Variants in PRELID2 observed in about 807,000 individuals in gnomAD.
PRELID2 encodes the protein PRELI domain-containing protein 2.
Under a neutral mutation model 28.4 loss-of-function variants are expected in PRELID2, and 25 were observed. That is an observed-to-expected ratio of 0.88 (90% CI 0.64 to 1.23). PRELID2 has a LOEUF of 1.23. Ranked by LOEUF, PRELID2 falls within the 50% of genes most tolerant of loss-of-function variation. The probability of loss-of-function intolerance (pLI) is 0.00; values close to 1 mark genes in which losing one functional copy is unlikely to be tolerated. For synonymous variants in PRELID2, 76 were observed against 71.6 expected (o/e 1.06, Z -0.31); for missense variants, 201 against 214.4 (o/e 0.94, Z 0.39).
At chr5:145,389,015 G>T in the PRELID2 span, among the ~76,000 whole-genome samples, 1 of 152,198 alleles carries the variant, frequency 6.6e-6, no homozygotes, top group East Asian at 1.9e-4. Context: ...TGTAGTGCTA[G>T]CTCCTAATAT....
At chr5:145,405,699 G>GTTTTTTTTTTTTTTTTTT in the PRELID2 span, among the ~76,000 whole-genome samples, 4 of 45,992 alleles carry the variant, frequency 8.7e-5, 1 homozygote, top group Non-Finnish European at 4.8e-5. Flanking sequence ...GTACCACATA[G>GTTTTTTTTTTTTTTTTTT]TTGTTTTTTT....
the PRELID2 span, among the ~76,000 whole-genome samples, chr5:145,330,462 G>T: frequency 6.6e-6 from 1 of 152,164 alleles, no homozygotes; most frequent in South Asian, 2.1e-4. Context: ...CTTGTTATTG[G>T]TCTATTCAGG....
the PRELID2 span, among the ~76,000 whole-genome samples, chr5:145,421,206 T>C: frequency 6.7e-6 from 1 of 150,154 alleles, no homozygotes; most frequent in Middle Eastern, 3.2e-3. Flanking sequence ...TTTTTTGTTG[T>C]GTCTCTGCCT....
At chr5:145,367,556 T>C in the PRELID2 span, among the ~76,000 whole-genome samples, 65 of 152,082 alleles carry the variant, frequency 4.3e-4, no homozygotes, top group Middle Eastern at 6.8e-3. Context: ...GCCACCATTA[T>C]AGTATCAGAC....
chr5:145,654,055 G>C (rs1254846740), intron 1 of PRELID2, among the ~76,000 whole-genome samples: 1 of 152,068 alleles, frequency 6.6e-6, no homozygotes, highest in Non-Finnish European at 1.5e-5. Flanking sequence ...AATAAAAAAT[G>C]ATAAAGGGGA....
chr5:145,791,400 A>C (rs1485645494), intron 5 of PRELID2, among the ~76,000 whole-genome samples: 5 of 152,200 alleles, frequency 3.3e-5, no homozygotes, highest in Non-Finnish European at 7.3e-5. Context: ...CATAAAAAGA[A>C]AGGTAAGTCT....
the PRELID2 span, among the ~76,000 whole-genome samples, chr5:145,298,767 C>G: frequency 3.3e-5 from 5 of 152,024 alleles, no homozygotes; most frequent in African/African-American, 9.7e-5. Context: ...TGGCATGCTA[C>G]AGCAACACAA....
chr5:145,248,184 A>G, the PRELID2 span, among the ~76,000 whole-genome samples: 1 of 152,196 alleles, frequency 6.6e-6, no homozygotes, highest in Admixed American at 6.6e-5. Flanking sequence ...CAAATGCAAA[A>G]TTCCTATATT....
chr5:145,329,031 G>T, the PRELID2 span, among the ~76,000 whole-genome samples: 5 of 152,108 alleles, frequency 3.3e-5, no homozygotes, highest in Admixed American at 1.3e-4. Flanking sequence ...ATTAAATAGG[G>T]AATCCTTTCC....
At chr5:145,644,439 T>TTC (rs1754162880) in intron 1 of PRELID2, among the ~76,000 whole-genome samples, 1 of 151,316 alleles carries the variant, frequency 6.6e-6, no homozygotes, top group Non-Finnish European at 1.5e-5. Flanking sequence ...GTTTATCTAT[T>TTC]TTGTTGAACT....
At chr5:145,458,665 C>T in the PRELID2 span, among the ~76,000 whole-genome samples, 1 of 152,110 alleles carries the variant, frequency 6.6e-6, no homozygotes, top group African/African-American at 2.4e-5. Context: ...TCTAAAATGT[C>T]ACTTGTGCTG....
chr5:145,544,205 G>A (rs1206103068), intron 1 of PRELID2, among the ~76,000 whole-genome samples: 1 of 151,886 alleles, frequency 6.6e-6, no homozygotes, highest in African/African-American at 2.4e-5. Flanking sequence ...ACTATGATAA[G>A]GACCCATTAA....
At chr5:145,287,540 T>C in the PRELID2 span, among the ~76,000 whole-genome samples, 1 of 152,176 alleles carries the variant, frequency 6.6e-6, no homozygotes, top group South Asian at 2.1e-4. Flanking sequence ...ATTTTCCATT[T>C]AAAATGTTTG....
chr5:145,302,566 T>C, the PRELID2 span, among the ~76,000 whole-genome samples: 1 of 152,060 alleles, frequency 6.6e-6, no homozygotes, highest in Admixed American at 6.6e-5. Flanking sequence ...ATAGATAGAG[T>C]TGAATTTTGT....
At chr5:145,585,283 C>T (rs968755245) in intron 1 of PRELID2, among the ~76,000 whole-genome samples, 7 of 151,960 alleles carry the variant, frequency 4.6e-5, no homozygotes, top group Non-Finnish European at 7.4e-5. Context: ...TAGGGCCTGT[C>T]GTGGTGGGGT....
In PRELID2 at chr5:145,757,195, A is replaced by G. The variant is rs1434420484; in HGVS notation, c.*3341T>C. Reference sequence around the variant, plus strand: ...GTATCAGTACATATATACTGCTTATAAAATACACAAAGTAGTTCATAGAAA... The same window carrying G: ...GTATCAGTACATATATACTGCTTATGAAATACACAAAGTAGTTCATAGAAA... On this transcript the variant is annotated 3_prime_UTR_variant, in exon 7 of 7. Transcript: ENST00000683046. 2.6e-5 allele frequency among the ~76,000 whole-genome samples: 4 copies of G among 152,228 alleles called. No homozygotes were observed. Among genetic ancestry groups the G allele is most frequent in the African/African-American group, 9.6e-5 (4 of 41,464 alleles).
intron 5 of PRELID2, among the ~76,000 whole-genome samples, chr5:145,777,344 A>AGG (rs1758474174): frequency 6.6e-6 from 1 of 152,154 alleles, no homozygotes; most frequent in Non-Finnish European, 1.5e-5. Flanking sequence ...GTGGGATTAC[A>AGG]GGCATGCATG....
intron 1 of PRELID2, among the ~76,000 whole-genome samples, chr5:145,629,207 G>A (rs1216746062): frequency 6.6e-6 from 1 of 152,148 alleles, no homozygotes; most frequent in Non-Finnish European, 1.5e-5. Context: ...GTTGTGACTG[G>A]GCCCTACAGG....
chr5:145,620,477 G>T (rs1422894523), intron 1 of PRELID2, among the ~76,000 whole-genome samples: 1 of 152,148 alleles, frequency 6.6e-6, no homozygotes, highest in Non-Finnish European at 1.5e-5. Flanking sequence ...GAAAATGGGG[G>T]ATGCTACGCA....
Sources: gnomAD v4.1 joint callset for allele counts (sites outside exome capture counted in the v4.1 genomes callset) on GRCh38, gnomAD v4.1.1 for gene constraint, MANE v1.5 for transcripts, NCBI Gene and HGNC (gene_info 2026-07-23, HGNC 2026-07-21) for gene names.